The following SRPRA variants were observed in gnomAD, a reference collection of about 807,000 sequenced individuals.
SRPRA encodes the protein SRP receptor subunit alpha.
SRPRA carries 30 observed loss-of-function variants against 61.1 expected under a neutral mutation model. The observed-to-expected ratio is 0.49, with a 90% CI of 0.37 to 0.67. The LOEUF is 0.67. Ranked by LOEUF, SRPRA falls within the 30% of genes least tolerant of loss-of-function variation. The pLI is 0.00. For missense variants in SRPRA, 759 were observed against 828.4 expected (o/e 0.92, Z 1.03); for synonymous variants, 324 against 299.7 (o/e 1.08, Z -0.84).
rs1950835448 is a variant in SRPRA at position 126,267,455 on chromosome 11, C to T, written c.365+94G>A. On this transcript the variant is annotated intron_variant, in intron 3 of 13. Coordinates refer to ENST00000332118, the MANE Select transcript of SRPRA (RefSeq NM_003139.4). This position sits in a 1 kb window ranked among gnomAD's most constrained non-coding sequence, Gnocchi z 4.2. ...GAACTGGGTAGCAAATTAGGAATGT[C>T]TTTGAACACATCAATTTACCACCTT... 6.3e-7 allele frequency: 1 copy of T among 1,590,812 alleles called. No homozygotes were observed. Among genetic ancestry groups the T allele is most frequent in the South Asian group, 1.1e-5 (1 of 88,260 alleles).
Position 126,267,769 on chromosome 11 carries a change from G to A in SRPRA, c.202-57C>T. ...GCTTACATACTAGCCTAGAATGGAGGGACGCCAACTCAACCCTGGCTTTCA... is the reference window on the plus strand; with the variant it reads ...GCTTACATACTAGCCTAGAATGGAGAGACGCCAACTCAACCCTGGCTTTCA... On this transcript the variant is annotated intron_variant, in intron 2 of 13. Coordinates refer to ENST00000332118, the MANE Select transcript of SRPRA (RefSeq NM_003139.4). The surrounding 1 kb of genome is among the most constrained non-coding windows in gnomAD (Gnocchi z 4.2). 6.3e-7 allele frequency: 1 copy of A among 1,599,468 alleles called. No homozygotes were observed. Among genetic ancestry groups the A allele is most frequent in the Non-Finnish European group, 8.5e-7 (1 of 1,170,040 alleles).
the SRPRA span, among the ~76,000 whole-genome samples, chr11:126,248,770 C>T: frequency 1.3e-5 from 2 of 152,206 alleles, no homozygotes; most frequent in African/African-American, 2.4e-5. Flanking sequence ...GACTTAATCA[C>T]GTCTTACTAG....
Position 126,264,618 on chromosome 11 carries a change from A to G in SRPRA, c.1526-79T>C. 2.6e-6 allele frequency: 4 copies of G among 1,524,216 alleles called. No individual in the cohort carries two copies. Among genetic ancestry groups the G allele is most frequent in the Non-Finnish European group, 2.7e-6 (3 of 1,123,000 alleles). The allele number at this position is 1,524,216 out of a possible 1,614,324, so 94.4% of individuals were successfully genotyped here. On this transcript the variant is annotated intron_variant, in intron 11 of 13. Transcript: ENST00000332118. This position sits in a 1 kb window ranked among gnomAD's most constrained non-coding sequence, Gnocchi z 5.0. The stretch of plus-strand genomic sequence containing the variant: ...TCCCAGCTTCCTCTCAAAAAGTCCT[A>G]GTTTGACTACCTGTTCACTGTCTTG...
At chr11:126,250,337 C>T in the SRPRA span, among the ~76,000 whole-genome samples, 2 of 152,132 alleles carry the variant, frequency 1.3e-5, no homozygotes, top group African/African-American at 4.8e-5. The surrounding 1 kb of genome is among the most constrained non-coding windows in gnomAD (Gnocchi z 5.1). Context: ...GTGATCCGCC[C>T]GCCTCGGTCT....
At position 126,264,006 on chromosome 11, in the gene SRPRA, T is replaced by A. The variant is rs1295409331; in HGVS notation, c.1827A>T (p.Lys609Asn). The A allele has an allele frequency of 6.2e-7, 1 of 1,614,106 alleles. No homozygotes were observed. The highest frequency in any genetic ancestry group is 2.2e-5 in the East Asian group (1 of 44,870). ...GGCCGGTGCCCACAAAGACGATGGG[T>A]TTGCTTGTGATGTACGTCATAGAAA... ...AAISMTYITS[K>N]PIVFVGTGQT... Residue 609 changes from lysine (K) to asparagine (N), a missense_variant, in exon 14 of 14, where the codon AAA (lysine) becomes AAT (asparagine). This residue lies in a region of SRPRA where 284 missense variants were observed against 365.9 expected (regional missense o/e 0.78). Transcript: ENST00000332118. The surrounding 1 kb of genome is among the most constrained non-coding windows in gnomAD (Gnocchi z 5.0).
chr11:126,266,677 G>C, intron 5 of SRPRA, 48 bp from the exon 6 acceptor site: 1 of 1,608,846 alleles, frequency 6.2e-7, no homozygotes, highest in Non-Finnish European at 8.5e-7. Flanking sequence ...AGTAGGAAAG[G>C]AAACATGAGC....
chr11:126,267,643 G>A lies in SRPRA; in HGVS notation c.271C>T (p.Arg91Trp), dbSNP rs1282549836. ...KLIDDVHRLF[R>W]DKYRTEIQQQ... ...TGGATCTCTGTGCGGTACTTGTCCC[G>A]AAACAGCCGATGCACGTCATCTATC... Residue 91 changes from arginine (R) to tryptophan (W), a missense_variant, in exon 3 of 14, where the codon CGG becomes TGG. Transcript: ENST00000332118. The surrounding 1 kb of genome is among the most constrained non-coding windows in gnomAD (Gnocchi z 4.2). 1.2e-6 allele frequency: 2 copies of A among 1,614,114 alleles called. No individual in the cohort carries two copies. Among genetic ancestry groups the A allele is most frequent in the Non-Finnish European group, 1.7e-6 (2 of 1,180,038 alleles).
chr11:126,264,056 A>T lies in SRPRA; in HGVS notation c.1789-12T>A. On this transcript the variant is annotated splice_polypyrimidine_tract_variant and intron_variant, in intron 13 of 13. Transcript: ENST00000332118. The surrounding 1 kb of genome is among the most constrained non-coding windows in gnomAD (Gnocchi z 5.0). Reference sequence around the variant, plus strand: ...ATAGCAGCTCCCACCTAAGTGGAGAAAGAGGACAGCCCATCAACACAAGCC... The same window carrying T: ...ATAGCAGCTCCCACCTAAGTGGAGATAGAGGACAGCCCATCAACACAAGCC... 1 of 1,614,084 alleles carries T rather than the reference A, an allele frequency of 6.2e-7. No individual in the cohort carries two copies. Among genetic ancestry groups the T allele is most frequent in the Non-Finnish European group, 8.5e-7 (1 of 1,179,974 alleles).
chr11:126,257,071 G>C, the SRPRA span, among the ~76,000 whole-genome samples: 1 of 152,180 alleles, frequency 6.6e-6, no homozygotes, highest in African/African-American at 2.4e-5. Flanking sequence ...ATAGACATAG[G>C]AAGAATGAAG....
the SRPRA span, chr11:126,241,135 C>A: frequency 4.6e-6 from 6 of 1,294,390 alleles, no homozygotes; most frequent in Non-Finnish European, 6.4e-6. Context: ...ACTAGCATGC[C>A]AAATGTAACA....
the SRPRA span, among the ~76,000 whole-genome samples, chr11:126,237,806 G>A: frequency 3.6e-5 from 5 of 137,360 alleles, no homozygotes; most frequent in Non-Finnish European, 7.8e-5. Flanking sequence ...GCAGTGAGCT[G>A]AGATTGTGTC....
chr11:126,246,756 T>C, the SRPRA span, among the ~76,000 whole-genome samples: 1 of 152,140 alleles, frequency 6.6e-6, no homozygotes, highest in Non-Finnish European at 1.5e-5. Context: ...TTCTTGTTTT[T>C]ACTAAGTTTC....
In SRPRA at chr11:126,266,629, G is replaced by C. The variant is rs776154090; in HGVS notation, c.687C>G (p.Asn229Lys). Residue 229 changes from asparagine (N) to lysine (K), a missense_variant and splice_region_variant, in exon 6 of 14, where the codon AAC (asparagine) becomes AAG (lysine). Transcript: ENST00000332118. ...TTGGAGCATCTGACTTCGTGGACTT[G>C]CTGCAACAGGTTATGATACAAAGAG... The part of the protein sequence containing the change: ...QKHGRGMEKS[N>K]KSTKSDAPKE... 4.3e-6 allele frequency: 7 copies of C among 1,613,658 alleles called. No individual in the cohort carries two copies. In the Admixed American group the frequency reaches 1.2e-4, roughly 27 times the overall value.
chr11:126,257,449 G>C, the SRPRA span, among the ~76,000 whole-genome samples: 1 of 151,946 alleles, frequency 6.6e-6, no homozygotes, highest in African/African-American at 2.4e-5. Flanking sequence ...AGATTCTACA[G>C]ATATGCCAAT....
chr11:126,262,144 G>T, downstream of SRPRA: 2 of 1,613,998 alleles, frequency 1.2e-6, no homozygotes, highest in Non-Finnish European at 1.7e-6. Context: ...GCGAGCTAGA[G>T]AAATCACCAC....
Position 126,267,718 on chromosome 11 carries a change from T to C in SRPRA, c.202-6A>G. The C allele has an allele frequency of 6.2e-7, 1 of 1,613,944 alleles. No homozygotes were observed. The highest frequency in any genetic ancestry group is 8.5e-7 in the Non-Finnish European group (1 of 1,179,962). On this transcript the variant is annotated splice_polypyrimidine_tract_variant and splice_region_variant and intron_variant, in intron 2 of 13. Transcript: ENST00000332118. The surrounding 1 kb of genome is among the most constrained non-coding windows in gnomAD (Gnocchi z 4.2). ...AGGATCTTCTGAAAACCAACCTGTT[T>C]AGGGGAAGAAACAGCCAACAGATCT... is the stretch of plus-strand genomic sequence containing the variant.
chr11:126,262,154 C>T (rs372141167), downstream of SRPRA: 2 of 1,613,410 alleles, frequency 1.2e-6, no homozygotes, highest in Non-Finnish European at 1.7e-6. Context: ...GAAATCACCA[C>T]CGTTTAGACC....
chr11:126,261,455 G>C, downstream of SRPRA: 1 of 1,613,894 alleles, frequency 6.2e-7, no homozygotes, highest in Non-Finnish European at 8.5e-7. Context: ...CAGCTAAATG[G>C]CTCATCTGCA....
the SRPRA span, among the ~76,000 whole-genome samples, chr11:126,251,995 T>C: frequency 6.6e-6 from 1 of 150,464 alleles, no homozygotes; most frequent in East Asian, 2.0e-4. Context: ...TTTTGTTTTG[T>C]TTTGTTTTGA....
Sources: gnomAD v4.1 joint callset for allele counts (sites outside exome capture counted in the v4.1 genomes callset) on GRCh38, gnomAD v4.1.1 for gene constraint, gnomAD v4.1.1 regional missense constraint, Gnocchi (gnomAD v3.1) non-coding constraint, MANE v1.5 for transcripts, NCBI Gene and HGNC (gene_info 2026-07-23, HGNC 2026-07-21) for gene names.